The following LPP variants were observed in gnomAD, a reference collection of about 807,000 sequenced individuals.
The protein encoded by LPP is lipoma-preferred partner.
A neutral mutation model predicts 60.4 loss-of-function variants in LPP; 38 were observed. That is an observed-to-expected ratio of 0.63 (90% CI 0.49 to 0.83). The LOEUF is 0.83. Among genes scored for constraint, LPP ranks in the 40% least tolerant of loss-of-function variants. The pLI is 0.00. For synonymous variants in LPP, 328 were observed against 290.8 expected, an observed-to-expected ratio of 1.13 and a Z score of -1.30; for missense variants, 902 against 783.6, an observed-to-expected ratio of 1.15 and a Z score of -1.80.
At chr3:188,603,350 G>GT (rs11308827) in intron 6 of LPP, among the ~76,000 whole-genome samples, 48,683 of 147,942 alleles carry the variant, frequency 0.33, 9,211 homozygotes, top group South Asian at 0.46. Context: ...GAATTTTGTG[G>GT]TTTTTTTTTT....
At chr3:188,769,136 T>C (rs1019782554) in intron 9 of LPP, among the ~76,000 whole-genome samples, 31 of 152,182 alleles carry the variant, frequency 2.0e-4, no homozygotes, top group African/African-American at 6.5e-4. Context: ...CTTTAAAACG[T>C]ATAAATGATC....
At position 188,879,679 on chromosome 3, in the gene LPP, A is replaced by T. The variant is rs977563628; in HGVS notation, c.*5200A>T. 3 of 182,544 alleles carry T rather than the reference A, an allele frequency of 1.6e-5. No homozygotes were observed. The highest frequency in any genetic ancestry group is 3.5e-5 in the Non-Finnish European group (3 of 85,658). The allele number at this position is 182,544 out of a possible 1,614,324, so 11.3% of individuals were successfully genotyped here. On this transcript the variant is annotated 3_prime_UTR_variant, in exon 12 of 12. Transcript: ENST00000617246. ...GTAACCCCAAAAAATTATAATTTTA[A>T]TGATGGCATTTTATTTTATTCCATT...
chr3:188,297,733 AATTTCATATTGAGC>A (rs1360843621), intron 2 of LPP, among the ~76,000 whole-genome samples: 4 of 152,244 alleles, frequency 2.6e-5, no homozygotes, highest in Non-Finnish European at 5.9e-5. Flanking sequence ...CTTAATCCTT[AATTTCATATTGAGC>A]ATTTCATATT....
chr3:188,453,844 G>A (rs1325074244), intron 4 of LPP, among the ~76,000 whole-genome samples: 1 of 152,006 alleles, frequency 6.6e-6, no homozygotes, highest in Non-Finnish European at 1.5e-5. Context: ...ATGGGACTTC[G>A]TTTAAACAGC....
At chr3:188,252,367 C>CTTT (rs1730175010) in intron 2 of LPP, among the ~76,000 whole-genome samples, 5 of 139,610 alleles carry the variant, frequency 3.6e-5, no homozygotes, top group Non-Finnish European at 6.1e-5. Context: ...TTTTTTTTTC[C>CTTT]TCTCTCTCTC....
At chr3:188,777,153 T>C (rs1738066649) in intron 9 of LPP, among the ~76,000 whole-genome samples, 1 of 152,196 alleles carries the variant, frequency 6.6e-6, no homozygotes, top group Non-Finnish European at 1.5e-5. Flanking sequence ...TTGTTTTCAT[T>C]TGATATTCAC....
intron 8 of LPP, among the ~76,000 whole-genome samples, chr3:188,754,007 T>C (rs1478941721): frequency 6.6e-6 from 1 of 152,284 alleles, no homozygotes; most frequent in Non-Finnish European, 1.5e-5. Context: ...CCATAGGAGA[T>C]TGCATATTGC....
chr3:188,704,247 A>AAT (rs1303620775), intron 7 of LPP, among the ~76,000 whole-genome samples: 1 of 152,110 alleles, frequency 6.6e-6, no homozygotes, highest in Non-Finnish European at 1.5e-5. Context: ...CCTGAACTGT[A>AAT]ATAATCCACT....
chr3:188,183,624 C>T (rs1436409993), intron 1 of LPP, among the ~76,000 whole-genome samples: 2 of 151,952 alleles, frequency 1.3e-5, no homozygotes, highest in South Asian at 2.1e-4. Context: ...GCACTGATTA[C>T]GTGGCAAAGC....
intron 2 of LPP, among the ~76,000 whole-genome samples, chr3:188,242,200 G>C (rs73888087): frequency 0.083 from 12,684 of 152,048 alleles, 1,062 homozygotes; most frequent in African/African-American, 0.21. Flanking sequence ...CCTTAACATG[G>C]GTTATTTTTT....
intron 6 of LPP, among the ~76,000 whole-genome samples, chr3:188,526,443 C>T (rs1321398588): frequency 6.6e-6 from 1 of 152,076 alleles, no homozygotes; most frequent in Non-Finnish European, 1.5e-5. Flanking sequence ...AGGTGCCTGC[C>T]ACCACGCCCA....
In LPP at chr3:188,453,208, G is replaced by C. The variant is rs142552015; in HGVS notation, c.194-31384G>C. On this transcript the variant is annotated intron_variant, in intron 4 of 11. Coordinates refer to ENST00000617246, the MANE Select transcript of LPP (RefSeq NM_001375462.1). ...TACTTCCCCATCTTTGCCAACCCTG[G>C]CATCGTGCCCCCTTGATTCCTTGGC... Among the ~76,000 whole-genome samples, 233 of 152,154 alleles carry C rather than the reference G, an allele frequency of 1.5e-3. 2 individuals are homozygous for C. The highest frequency in any genetic ancestry group is 5.4e-3 in the African/African-American group (225 of 41,490).
intron 2 of LPP, among the ~76,000 whole-genome samples, chr3:188,239,472 T>C (rs1056154802): frequency 6.6e-6 from 1 of 152,230 alleles, no homozygotes. Flanking sequence ...TTTTCTGTGC[T>C]CAATTTTATT....
chr3:188,500,803 G>A (rs1811603432), intron 5 of LPP, among the ~76,000 whole-genome samples: 1 of 152,010 alleles, frequency 6.6e-6, no homozygotes, highest in Admixed American at 6.6e-5. Flanking sequence ...AAATTTCCCT[G>A]TCATCTGGGT....
chr3:188,628,192 A>G (rs1847206593), intron 7 of LPP, among the ~76,000 whole-genome samples: 1 of 152,172 alleles, frequency 6.6e-6, no homozygotes, highest in South Asian at 2.1e-4. Flanking sequence ...TAGAGGAACT[A>G]GAAAAACAAG....
intron 4 of LPP, among the ~76,000 whole-genome samples, chr3:188,416,300 T>C (rs905739202): frequency 1.3e-5 from 2 of 152,146 alleles, no homozygotes; most frequent in African/African-American, 2.4e-5. Context: ...TCAGAAAGAC[T>C]TGGAGAACAT....
intron 9 of LPP, among the ~76,000 whole-genome samples, chr3:188,837,116 A>C (rs1758637365): frequency 6.6e-6 from 1 of 152,094 alleles, no homozygotes; most frequent in African/African-American, 2.4e-5. Flanking sequence ...CAGAGAAGAA[A>C]TCTGGGCTTC....
At chr3:188,656,427 T>G (rs1190362128) in intron 7 of LPP, among the ~76,000 whole-genome samples, 1 of 152,140 alleles carries the variant, frequency 6.6e-6, no homozygotes, top group Non-Finnish European at 1.5e-5. Context: ...GCAAACTGTT[T>G]GAGATCCCAA....
At chr3:188,346,610 T>C (rs1764474317) in intron 3 of LPP, among the ~76,000 whole-genome samples, 1 of 152,104 alleles carries the variant, frequency 6.6e-6, no homozygotes, top group East Asian at 1.9e-4. Flanking sequence ...CGTGCACACG[T>C]GCATACACAT....
Sources: allele counts gnomAD v4.1 joint callset (sites outside exome capture counted in the v4.1 genomes callset), GRCh38; gene constraint gnomAD v4.1.1; transcripts MANE v1.5; gene names NCBI Gene and HGNC (gene_info 2026-07-23, HGNC 2026-07-21).